MAPDA: variants seen among roughly 807,000 people sequenced by gnomAD.
MAPDA encodes N6-Methyl-AMP deaminase.
chr15:43,332,662 G>C, the MAPDA span, among the ~76,000 whole-genome samples: 2 of 152,124 alleles, frequency 1.3e-5, no homozygotes, highest in African/African-American at 4.8e-5. Context: ...TTGTTGTGAG[G>C]ATTTAAACAA....
chr15:43,344,314 A>G, the MAPDA span, among the ~76,000 whole-genome samples: 2 of 152,196 alleles, frequency 1.3e-5, no homozygotes, highest in South Asian at 2.1e-4. Flanking sequence ...TGGTATGCTC[A>G]TATGATTTAT....
At chr15:43,336,276 C>A in the MAPDA span, among the ~76,000 whole-genome samples, 1 of 152,080 alleles carries the variant, frequency 6.6e-6, no homozygotes, top group Non-Finnish European at 1.5e-5. Flanking sequence ...AACTCCTGGC[C>A]TCAAGCTATC....
the MAPDA span, chr15:43,336,770 C>G: frequency 8.5e-7 from 1 of 1,173,208 alleles, no homozygotes; most frequent in South Asian, 1.7e-5. Context: ...TTCATTTTTG[C>G]TCTCATTAAG....
At chr15:43,336,741 C>T in the MAPDA span, 9 of 1,372,364 alleles carry the variant, frequency 6.6e-6, no homozygotes, top group Non-Finnish European at 8.9e-6. Context: ...TAATTTCCTT[C>T]CATTATTGCA....
At chr15:43,333,532 A>G in the MAPDA span, 6 of 152,058 alleles carry the variant, frequency 3.9e-5, no homozygotes, top group Non-Finnish European at 7.4e-5. Flanking sequence ...TTTACTATTT[A>G]TTAAGCACTT....
the MAPDA span, among the ~76,000 whole-genome samples, chr15:43,343,784 A>G: frequency 6.6e-6 from 1 of 151,980 alleles, no homozygotes; most frequent in Non-Finnish European, 1.5e-5. Context: ...GGTACATAGT[A>G]TGGGCTCAGT....
chr15:43,336,806 A>AT, the MAPDA span: 1 of 714,208 alleles, frequency 1.4e-6, no homozygotes, highest in South Asian at 3.0e-5. Context: ...TTTCTCTATT[A>AT]TGGCAACTCT....
chr15:43,338,735 A>G, the MAPDA span, among the ~76,000 whole-genome samples: 1 of 152,230 alleles, frequency 6.6e-6, no homozygotes, highest in Non-Finnish European at 1.5e-5. Flanking sequence ...CACATCACAG[A>G]AAGGGCTAAA....
the MAPDA span, among the ~76,000 whole-genome samples, chr15:43,349,932 G>A: frequency 7.9e-3 from 1,205 of 152,288 alleles, 26 homozygotes; most frequent in East Asian, 0.064. Context: ...TTTGTCATCC[G>A]TTAAACTGAG....
chr15:43,337,942 A>G, the MAPDA span, among the ~76,000 whole-genome samples: 1 of 152,174 alleles, frequency 6.6e-6, no homozygotes, highest in African/African-American at 2.4e-5. Context: ...ACACACACAT[A>G]AGGATTTATA....
the MAPDA span, among the ~76,000 whole-genome samples, chr15:43,346,503 C>T: frequency 6.6e-6 from 1 of 152,230 alleles, no homozygotes; most frequent in Non-Finnish European, 1.5e-5. Context: ...CCAGATATGA[C>T]AACCAAAAAT....
chr15:43,351,170 C>T, the MAPDA span: 1 of 882,456 alleles, frequency 1.1e-6, no homozygotes. Flanking sequence ...TTAGAAGGGA[C>T]CGGGGTGTGG....
At chr15:43,334,981 T>G in the MAPDA span, 1 of 837,040 alleles carries the variant, frequency 1.2e-6, no homozygotes. Context: ...ACAGCTAATC[T>G]TACCAAAATG....
the MAPDA span, among the ~76,000 whole-genome samples, chr15:43,338,560 TCC>T: frequency 6.6e-6 from 1 of 152,262 alleles, no homozygotes. Flanking sequence ...TCATGCTCTT[TCC>T]CATTCAAGCT....
At chr15:43,335,304 G>A in the MAPDA span, 1 of 846,970 alleles carries the variant, frequency 1.2e-6, no homozygotes, top group Non-Finnish European at 1.9e-6. Context: ...GGAGGCCAAG[G>A]CGGGTGGATT....
the MAPDA span, chr15:43,349,253 C>G: frequency 1.6e-6 from 2 of 1,289,696 alleles, no homozygotes; most frequent in Non-Finnish European, 9.8e-7. Flanking sequence ...AGGGCCCCTG[C>G]TTGTCTTATT....
At chr15:43,338,244 A>G in the MAPDA span, among the ~76,000 whole-genome samples, 2 of 152,250 alleles carry the variant, frequency 1.3e-5, no homozygotes, top group Non-Finnish European at 2.9e-5. Context: ...GGTGCCCCAT[A>G]TGATAAATGA....
chr15:43,348,276 A>G, the MAPDA span, among the ~76,000 whole-genome samples: 2 of 152,182 alleles, frequency 1.3e-5, no homozygotes, highest in African/African-American at 4.8e-5. Context: ...TGGGCCCTGG[A>G]GTCAGATTGA....
chr15:43,347,038 T>G, the MAPDA span: 3 of 1,613,752 alleles, frequency 1.9e-6, no homozygotes, highest in Admixed American at 5.0e-5. Context: ...AAAGACTTCT[T>G]GGAACCTCTT....
Sources: gnomAD v4.1 joint callset for allele counts (sites outside exome capture counted in the v4.1 genomes callset) on GRCh38, gnomAD v4.1.1 for gene constraint, MANE v1.5 for transcripts, NCBI Gene and HGNC (gene_info 2026-07-23, HGNC 2026-07-21) for gene names.